GNG7: variants seen among roughly 807,000 people sequenced by gnomAD.
GNG7 encodes G protein subunit gamma 7, also known as guanine nucleotide-binding protein G(I)/G(S)/G(O) subunit gamma-7.
GNG7 carries 1 observed loss-of-function variant against 4.0 expected under a neutral mutation model. That is an observed-to-expected ratio of 0.25 (90% CI 0.09 to 1.18). The LOEUF (loss-of-function observed/expected upper bound fraction) is 1.18, where lower values mean the gene tolerates loss of function less well. Ranked by LOEUF, GNG7 falls within the 50% of genes most tolerant of loss-of-function variation. The pLI is 0.50. For synonymous variants in GNG7, 34 were observed against 36.9 expected (o/e 0.92, Z 0.29); for missense variants, 86 against 91.9 (o/e 0.94, Z 0.26).
chr19:2,657,564 T>C (rs1339112454), intron 1 of GNG7, among the ~76,000 whole-genome samples: 3 of 149,642 alleles, frequency 2.0e-5, no homozygotes, highest in Admixed American at 2.0e-4. Flanking sequence ...AAATCTTTTG[T>C]TTCAGCCAGG....
intron 2 of GNG7, among the ~76,000 whole-genome samples, chr19:2,573,603 G>A (rs373868226): frequency 1.3e-5 from 2 of 151,962 alleles, no homozygotes; most frequent in African/African-American, 4.8e-5. Flanking sequence ...GATTACCTGA[G>A]GTCAGGAGTT....
At chr19:2,600,554 C>T (rs1287979149) in intron 2 of GNG7, among the ~76,000 whole-genome samples, 1 of 151,240 alleles carries the variant, frequency 6.6e-6, no homozygotes, top group Non-Finnish European at 1.5e-5. Context: ...TCACTTCAAC[C>T]TCCGCCTCCT....
intron 1 of GNG7, among the ~76,000 whole-genome samples, chr19:2,688,011 G>A (rs1354220871): frequency 6.6e-6 from 1 of 152,092 alleles, no homozygotes; most frequent in Non-Finnish European, 1.5e-5. Flanking sequence ...CCAGCACTTT[G>A]GGAGGCCGAG....
At chr19:2,628,946 A>G (rs1489249942) in intron 2 of GNG7, among the ~76,000 whole-genome samples, 5 of 152,136 alleles carry the variant, frequency 3.3e-5, no homozygotes, top group Admixed American at 1.3e-4. Context: ...CCCATCCTCA[A>G]GTGCAGGGGA....
At chr19:2,625,854 C>T (rs1028638874) in intron 2 of GNG7, among the ~76,000 whole-genome samples, 2 of 152,084 alleles carry the variant, frequency 1.3e-5, no homozygotes, top group Non-Finnish European at 2.9e-5. Flanking sequence ...GGACTGCTCA[C>T]TGATGCTCAC....
intron 2 of GNG7, chr19:2,643,149 TG>T (rs1346807201): frequency 2.2e-6 from 1 of 449,384 alleles, no homozygotes; most frequent in African/African-American, 2.1e-5. Context: ...CTTCCCACCC[TG>T]CACCATGTGC....
intron 1 of GNG7, among the ~76,000 whole-genome samples, chr19:2,695,265 C>T (rs191362292): frequency 6.6e-6 from 1 of 151,576 alleles, no homozygotes; most frequent in Non-Finnish European, 1.5e-5. Flanking sequence ...CCTGTCTGGA[C>T]CTTCCGCAGC....
At chr19:2,635,966 G>C (rs1982297865) in intron 2 of GNG7, among the ~76,000 whole-genome samples, 1 of 152,214 alleles carries the variant, frequency 6.6e-6, no homozygotes, top group South Asian at 2.1e-4. Flanking sequence ...GGTGCACCTG[G>C]CATGGAGTGG....
At chr19:2,661,689 A>AAAGG (rs1222270110) in intron 1 of GNG7, among the ~76,000 whole-genome samples, 5 of 146,356 alleles carry the variant, frequency 3.4e-5, no homozygotes, top group Non-Finnish European at 5.9e-5. Flanking sequence ...AAAAAAAAAA[A>AAAGG]AAGGAAGGAA....
At chr19:2,681,019 T>C (rs889788762) in intron 1 of GNG7, among the ~76,000 whole-genome samples, 3 of 152,088 alleles carry the variant, frequency 2.0e-5, no homozygotes, top group African/African-American at 7.2e-5. Context: ...ATGGCTCTGA[T>C]TTGCATTTCC....
chr19:2,539,525 G>A (rs1471272617), intron 3 of GNG7, among the ~76,000 whole-genome samples: 2 of 151,806 alleles, frequency 1.3e-5, no homozygotes, highest in East Asian at 1.9e-4. Flanking sequence ...GGCTGGTCTC[G>A]AACTCCTGAA....
intron 4 of GNG7, among the ~76,000 whole-genome samples, chr19:2,516,492 G>A (rs1972736937): frequency 6.6e-6 from 1 of 152,080 alleles, no homozygotes; most frequent in African/African-American, 2.4e-5. Context: ...CCAAAGTGCT[G>A]GGATTACAGG....
intron 1 of GNG7, among the ~76,000 whole-genome samples, chr19:2,677,008 G>A (rs750945553): frequency 5.3e-5 from 8 of 152,140 alleles, no homozygotes; most frequent in Non-Finnish European, 8.8e-5. Context: ...TCTCCTGGCC[G>A]TGATCCGGCT....
At chr19:2,555,879 C>A (rs1220082705) in intron 2 of GNG7, among the ~76,000 whole-genome samples, 1 of 151,882 alleles carries the variant, frequency 6.6e-6, no homozygotes, top group Non-Finnish European at 1.5e-5. Context: ...GCCCCGTATC[C>A]GTCTCCAATG....
chr19:2,664,075 T>C (rs1983243785), intron 1 of GNG7, among the ~76,000 whole-genome samples: 1 of 152,170 alleles, frequency 6.6e-6, no homozygotes. Flanking sequence ...GGACCTGACA[T>C]TTGATGACAG....
At position 2,514,656 on chromosome 19, in the gene GNG7, C is replaced by T. The variant is rs561994398; in HGVS notation, c.*366G>A. 3 of 171,790 alleles carry T rather than the reference C, an allele frequency of 1.7e-5. No individual in the cohort carries two copies. Among genetic ancestry groups the T allele is most frequent in the African/African-American group, 7.1e-5 (3 of 41,962 alleles). 10.6% of individuals were successfully genotyped at this position (171,790 alleles called of 1,614,324 possible). On this transcript the variant is annotated 3_prime_UTR_variant, in exon 5 of 5. Coordinates refer to ENST00000382159, the MANE Select transcript of GNG7 (RefSeq NM_052847.3). The stretch of plus-strand genomic sequence containing the variant: ...AGTCACCTCCCTTTCCCCCTCGGCG[C>T]CGGTCCACAATTGAAACGGCAATCG...
At chr19:2,679,271 G>A (rs541118647) in intron 1 of GNG7, among the ~76,000 whole-genome samples, 1 of 152,030 alleles carries the variant, frequency 6.6e-6, no homozygotes, top group South Asian at 2.1e-4. Flanking sequence ...GGCTGGTCTC[G>A]AACTCCAGGG....
chr19:2,657,352 AAAAAAAAAAATATATATATATATATATAT>A lies in GNG7; in HGVS notation c.-134-11101_-134-11073del, dbSNP rs1405780814. On this transcript the variant is annotated intron_variant, in intron 1 of 4. Coordinates refer to ENST00000382159, the MANE Select transcript of GNG7 (RefSeq NM_052847.3). ...CCGTCTCAATTAAAAAAAAAAAAAA[AAAAAAAAAAATATATATATATATATATAT>A]ATATATATATATATATATACACATA... is the stretch of plus-strand genomic sequence containing the variant. 4.7e-3 allele frequency among the ~76,000 whole-genome samples: 110 copies of A among 23,342 alleles called. 7 individuals are homozygous for A. The East Asian group carries it at 0.1, about 21-fold the overall frequency. The allele number at this position is 23,342 out of a possible 152,430, so 15.3% of individuals were successfully genotyped here.
rs1437741513 is a variant in GNG7 at position 2,512,834 on chromosome 19, TGG to T, written c.*2186_*2187del. ...TGGAGGCAGGCGGGCTCTCCCTGCCTGGGGTCCTCCCAGGGTCTCTGGAACAG... is the reference window on the plus strand; with the variant it reads ...TGGAGGCAGGCGGGCTCTCCCTGCCTGGTCCTCCCAGGGTCTCTGGAACAG... On this transcript the variant is annotated 3_prime_UTR_variant, in exon 5 of 5. Coordinates refer to ENST00000382159, the MANE Select transcript of GNG7 (RefSeq NM_052847.3). The surrounding 1 kb of genome is among the most constrained non-coding windows in gnomAD (Gnocchi z 4.7). 1.1e-6 allele frequency: 1 copy of T among 924,644 alleles called. No individual in the cohort carries two copies. Among genetic ancestry groups the T allele is most frequent in the Non-Finnish European group, 1.3e-6 (1 of 774,586 alleles). The allele number at this position is 924,644 out of a possible 1,614,324, so 57.3% of individuals were successfully genotyped here.
Sources: allele counts gnomAD v4.1 joint callset (sites outside exome capture counted in the v4.1 genomes callset), GRCh38; gene constraint gnomAD v4.1.1; non-coding constraint Gnocchi (gnomAD v3.1); transcripts MANE v1.5; gene names NCBI Gene and HGNC (gene_info 2026-07-23, HGNC 2026-07-21).